Variants in LNX1 observed in about 807,000 individuals in gnomAD.
The protein encoded by LNX1 is E3 ubiquitin-protein ligase LNX.
Under a neutral mutation model 68.4 loss-of-function variants are expected in LNX1, and 54 were observed. The ratio of observed to expected loss-of-function variants is 0.79; its 90% CI spans 0.63 to 0.99. The LOEUF (loss-of-function observed/expected upper bound fraction) is 0.99. LNX1 is among the 50% of genes least tolerant of loss of function. LNX1 has a pLI of 0.00. For missense variants in LNX1, 906 were observed against 926.4 expected (o/e 0.98, Z 0.29); for synonymous variants, 336 against 350.0 (o/e 0.96, Z 0.45).
chr4:53,566,533 G>T (rs1265816885), intron 2 of LNX1, among the ~76,000 whole-genome samples: 1 of 149,472 alleles, frequency 6.7e-6, no homozygotes, highest in Non-Finnish European at 1.5e-5. Flanking sequence ...GGTACCAGCC[G>T]CTGCAAAATC....
At chr4:53,465,040 C>T (rs185847572) in intron 9 of LNX1, among the ~76,000 whole-genome samples, 5 of 152,236 alleles carry the variant, frequency 3.3e-5, no homozygotes, top group Admixed American at 6.5e-5. Context: ...TATCAAGTTA[C>T]ATCCTAACAA....
chr4:53,631,345 T>C (rs560143647), intron 1 of LNX1, among the ~76,000 whole-genome samples: 1 of 152,270 alleles, frequency 6.6e-6, no homozygotes, highest in African/African-American at 2.4e-5. Context: ...GGAACTTCCC[T>C]GTGGGCCTTC....
intron 1 of LNX1, among the ~76,000 whole-genome samples, chr4:53,648,330 G>A (rs1392382100): frequency 1.3e-5 from 2 of 152,118 alleles, no homozygotes; most frequent in Non-Finnish European, 2.9e-5. Flanking sequence ...GTATCTCATT[G>A]TGGTTTTTGA....
intron 10 of LNX1, 110 bp from the exon 11 acceptor site, chr4:53,461,152 A>G (rs1294170310): frequency 7.0e-6 from 6 of 861,518 alleles, no homozygotes; most frequent in Non-Finnish European, 1.0e-5. Flanking sequence ...CATTTTAATT[A>G]TGTTAACTTC....
intron 2 of LNX1, among the ~76,000 whole-genome samples, chr4:53,516,663 C>T (rs1726810444): frequency 6.6e-6 from 1 of 152,096 alleles, no homozygotes; most frequent in Non-Finnish European, 1.5e-5. Context: ...CAGGTTTTGT[C>T]CTATGTGACA....
rs115417696 is a variant in LNX1, at chr4:53,495,487, C to T, written c.1350+536G>A. Among the ~76,000 whole-genome samples the T allele has an allele frequency of 9.4e-3, 1,423 of 150,696 alleles. 24 individuals are homozygous for T. The highest frequency in any genetic ancestry group is 0.033 in the African/African-American group (1,361 of 40,816). ...CCAAGTGCTTTCGAAGTCACCTGGA[C>T]TTAGCCATGGAGACTAAGACTTACT... On this transcript the variant is annotated intron_variant, in intron 6 of 10. Transcript: ENST00000263925.
At position 53,639,336 on chromosome 4, in the gene LNX1, G is replaced by A. The variant is rs1328956747; in HGVS notation, c.-215+12832C>T. Among the ~76,000 whole-genome samples the A allele has an allele frequency of 4.6e-5, 7 of 152,134 alleles. No homozygotes were observed. The East Asian group carries it at 1.3e-3, about 29-fold the overall frequency. On this transcript the variant is annotated intron_variant, in intron 1 of 2. Coordinates refer to the LNX1 transcript ENST00000507168. ...ATAGGCACTGGGTACTACTACAGCA[G>A]GGAGGAGTGAGTGGGGGTAAGGATT...
intron 2 of LNX1, among the ~76,000 whole-genome samples, chr4:53,522,212 T>C (rs193216574): frequency 1.3e-5 from 2 of 152,328 alleles, no homozygotes; most frequent in Admixed American, 6.5e-5. Flanking sequence ...CACAGGTCTT[T>C]GTCCAATCTG....
intron 2 of LNX1, among the ~76,000 whole-genome samples, chr4:53,519,906 T>A (rs2109569439): frequency 6.6e-6 from 1 of 152,262 alleles, no homozygotes; most frequent in East Asian, 1.9e-4. Flanking sequence ...TCTTGAGACG[T>A]GGGATTTTTG....
chr4:53,557,838 C>T, intron 2 of LNX1: 2 of 1,611,948 alleles, frequency 1.2e-6, no homozygotes, highest in Non-Finnish European at 1.7e-6. Context: ...ATACTAGGCA[C>T]ATAAACACAC....
At chr4:53,637,162 A>G (rs1477341082) in intron 1 of LNX1, among the ~76,000 whole-genome samples, 1 of 152,146 alleles carries the variant, frequency 6.6e-6, no homozygotes, top group Non-Finnish European at 1.5e-5. Flanking sequence ...GTATAAGAGG[A>G]TCCCAATAAT....
upstream of LNX1, among the ~76,000 whole-genome samples, chr4:53,620,556 A>G (rs1457218067): frequency 3.3e-5 from 5 of 152,188 alleles, no homozygotes; most frequent in Admixed American, 2.6e-4. Context: ...ACTAAAAGAC[A>G]TGACTGAAGA....
At chr4:53,499,499 C>T (rs1391977623) in intron 4 of LNX1, among the ~76,000 whole-genome samples, 3 of 152,156 alleles carry the variant, frequency 2.0e-5, no homozygotes, top group South Asian at 4.1e-4. Context: ...GCCCATAAAA[C>T]CTGAGGGCAT....
rs1316199458 is a variant in LNX1 at position 53,459,786 on chromosome 4, T to G, written c.*1121A>C. Reference sequence around the variant, plus strand: ...AAGGGTTCCACTTGGGCCACAGTTTTTTTGTTAATCAAACACCACTCTCTT... The same window carrying G: ...AAGGGTTCCACTTGGGCCACAGTTTGTTTGTTAATCAAACACCACTCTCTT... On this transcript the variant is annotated 3_prime_UTR_variant, in exon 11 of 11. Coordinates refer to ENST00000263925, the MANE Select transcript of LNX1 (RefSeq NM_001126328.3). The G allele has an allele frequency of 3.1e-6, 1 of 320,502 alleles. No homozygotes were observed. The highest frequency in any genetic ancestry group is 2.2e-5 in the African/African-American group (1 of 46,410). The allele number at this position is 320,502 out of a possible 1,614,324, so 19.9% of individuals were successfully genotyped here.
intron 2 of LNX1, among the ~76,000 whole-genome samples, chr4:53,519,127 C>T (rs141798659): frequency 0.023 from 3,484 of 152,240 alleles, 67 homozygotes; most frequent in Middle Eastern, 0.034. Context: ...TCTCACTGCC[C>T]CTCTTCCTCT....
At chr4:53,639,104 G>A (rs1734582414) in intron 1 of LNX1, among the ~76,000 whole-genome samples, 1 of 152,122 alleles carries the variant, frequency 6.6e-6, no homozygotes, top group Non-Finnish European at 1.5e-5. Context: ...AATGGTGATT[G>A]GATAAAGAAA....
chr4:53,586,829 G>T (rs1351835440), intron 1 of LNX1, among the ~76,000 whole-genome samples: 1 of 152,144 alleles, frequency 6.6e-6, no homozygotes, highest in Non-Finnish European at 1.5e-5. Flanking sequence ...AAAAAATAAT[G>T]ATTATTACTA....
chr4:53,592,119 C>T (rs1437083860), upstream of LNX1, among the ~76,000 whole-genome samples: 7 of 146,700 alleles, frequency 4.8e-5, no homozygotes, highest in African/African-American at 1.8e-4. Flanking sequence ...ATTCCATATT[C>T]AGGAATTTGC....
intron 2 of LNX1, among the ~76,000 whole-genome samples, chr4:53,542,074 G>T (rs1474055003): frequency 6.6e-6 from 1 of 152,180 alleles, no homozygotes; most frequent in East Asian, 1.9e-4. Flanking sequence ...GCACTCAGGG[G>T]GATGTCAGAA....
Sources: allele counts gnomAD v4.1 joint callset (sites outside exome capture counted in the v4.1 genomes callset), GRCh38; gene constraint gnomAD v4.1.1; transcripts MANE v1.5; gene names NCBI Gene and HGNC (gene_info 2026-07-23, HGNC 2026-07-21).